The following TMEM65 variants were observed in gnomAD, a reference collection of about 807,000 sequenced individuals.
TMEM65 encodes the protein transmembrane protein 65.
A neutral mutation model predicts 25.4 loss-of-function variants in TMEM65; 22 were observed. That is an observed-to-expected ratio of 0.86 (90% CI 0.62 to 1.23). TMEM65 has a LOEUF of 1.23. Ranked by LOEUF, TMEM65 falls within the 50% of genes most tolerant of loss-of-function variation. The pLI is 0.00. For missense variants in TMEM65, 262 were observed against 308.2 expected, an observed-to-expected ratio of 0.85 and a Z score of 1.12; for synonymous variants, 132 against 126.2, an observed-to-expected ratio of 1.05 and a Z score of -0.31.
rs1379726462 is a variant in TMEM65 at position 124,372,076 on chromosome 8, G to T, written c.82C>A (p.Pro28Thr). 1.8e-6 allele frequency: 2 copies of T among 1,126,544 alleles called. No homozygotes were observed. The highest frequency in any genetic ancestry group is 4.5e-5 in the East Asian group (1 of 22,078). 69.8% of individuals were successfully genotyped at this position (1,126,544 alleles called of 1,614,324 possible). The change falls in exon 1 of 7, where the codon CCG (proline) becomes ACG (threonine). Residue 28 changes from proline to threonine, a missense_variant. Pro to Thr is a conservative substitution (Grantham distance 38). Coordinates refer to ENST00000297632, the MANE Select transcript of TMEM65 (RefSeq NM_194291.3). ...CGCCCGCAGCAGCACCAGGACGGCG[G>T]GCGGGGCGCGGCGGCGGCGGCCGGG... ...PGPAAAAAPR[P>T]PSWCCCGRGL...
rs1420133174 is a variant in TMEM65, at chr8:124,306,590, T to C, written c.*7370A>G. 2 of 145,686 alleles carry C rather than the reference T, an allele frequency of 1.4e-5. No individual in the cohort carries two copies. The highest frequency in any genetic ancestry group is 3.0e-5 in the Non-Finnish European group (2 of 66,418). The allele number at this position is 145,686 out of a possible 1,614,324, so 9.0% of individuals were successfully genotyped here. On this transcript the variant is annotated 3_prime_UTR_variant, in exon 7 of 7. Coordinates refer to ENST00000297632, the MANE Select transcript of TMEM65 (RefSeq NM_194291.3). ...GAAAAAGGTGTGTCATGAATTCATA[T>C]AATATATGTAGACACTAGTCTATTT...
intron 5 of TMEM65, among the ~76,000 whole-genome samples, chr8:124,321,575 T>A (rs1176532350): frequency 6.6e-6 from 1 of 152,072 alleles, no homozygotes; most frequent in East Asian, 1.9e-4. Flanking sequence ...GCCAAACCCA[T>A]ATATGCTTTG....
At chr8:124,322,235 T>C (rs987150275) in intron 4 of TMEM65, 88 bp from the exon 5 acceptor site, 1 of 939,542 alleles carries the variant, frequency 1.1e-6, no homozygotes, top group Admixed American at 2.6e-5. Context: ...CTTGGAAGAG[T>C]TCTCATATTT....
rs541222533 is a variant in TMEM65, at chr8:124,338,411, T to G, written c.305-7619A>C. ...AAGAGCAACAGCAAGAGAGAATATA[T>G]GTAAGGGTGGTTTTTTTTTATTTCT... is the stretch of plus-strand genomic sequence containing the variant. On this transcript the variant is annotated intron_variant, in intron 1 of 6. Transcript: ENST00000297632. Among the ~76,000 whole-genome samples, 13 of 150,442 alleles carry G rather than the reference T, an allele frequency of 8.6e-5. No individual in the cohort carries two copies. In the Middle Eastern group the frequency reaches 0.017, roughly 198 times the overall value.
At chr8:124,345,280 T>C (rs1814628457) in intron 1 of TMEM65, among the ~76,000 whole-genome samples, 1 of 152,240 alleles carries the variant, frequency 6.6e-6, no homozygotes, top group South Asian at 2.1e-4. Flanking sequence ...CTATAAATAC[T>C]GCCTGCCCAT....
At chr8:124,317,422 A>AT (rs1444313882) in intron 6 of TMEM65, among the ~76,000 whole-genome samples, 1 of 152,186 alleles carries the variant, frequency 6.6e-6, no homozygotes, top group Non-Finnish European at 1.5e-5. Flanking sequence ...GTTATCATTC[A>AT]TTACTTCTTA....
rs1175753971 is a variant in TMEM65 at position 124,372,472 on chromosome 8, G to A, written c.-315C>T. On this transcript the variant is annotated 5_prime_UTR_variant, in exon 1 of 7. Coordinates refer to ENST00000297632, the MANE Select transcript of TMEM65 (RefSeq NM_194291.3). ...GCGGGCGCCTCCCGGCTGAGGAGGA[G>A]CGGCGCGGGCGGGCGGGGCGGGCTA... The A allele has an allele frequency of 1.3e-5, 2 of 156,684 alleles. No individual in the cohort carries two copies. Among genetic ancestry groups the A allele is most frequent in the African/African-American group, 4.8e-5 (2 of 41,326 alleles). 9.7% of individuals were successfully genotyped at this position (156,684 alleles called of 1,614,324 possible).
At chr8:124,353,592 C>A (rs1272619526) in intron 1 of TMEM65, among the ~76,000 whole-genome samples, 6 of 151,784 alleles carry the variant, frequency 4.0e-5, no homozygotes, top group Non-Finnish European at 5.9e-5. Context: ...CTAATCTACA[C>A]TGAGAAAAAA....
chr8:124,340,197 T>C (rs1053464411), intron 1 of TMEM65, among the ~76,000 whole-genome samples: 2 of 152,174 alleles, frequency 1.3e-5, no homozygotes, highest in Admixed American at 1.3e-4. Flanking sequence ...CTTTAATAAA[T>C]TCATGAGTGT....
intron 1 of TMEM65, among the ~76,000 whole-genome samples, chr8:124,343,156 C>T (rs1382686599): frequency 1.3e-5 from 2 of 152,044 alleles, no homozygotes; most frequent in Non-Finnish European, 2.9e-5. Context: ...GTTCTACAAA[C>T]ACAATGGCAT....
rs1814132808 is a variant in TMEM65, at chr8:124,309,760, T to A, written c.*4200A>T. 1 of 152,206 alleles carries A rather than the reference T, an allele frequency of 6.6e-6. No individual in the cohort carries two copies. The highest frequency in any genetic ancestry group is 1.5e-5 in the Non-Finnish European group (1 of 68,058). The allele number at this position is 152,206 out of a possible 1,614,324, so 9.4% of individuals were successfully genotyped here. A position where few individuals can be genotyped will look rare whatever the true frequency, so the allele number is the denominator to read the frequency against. Reference sequence around the variant, plus strand: ...ATCTGACATAAACAATATTTAAGTGTATATTTGCAGGTGGGCGCAGGGGCT... The same window carrying A: ...ATCTGACATAAACAATATTTAAGTGAATATTTGCAGGTGGGCGCAGGGGCT... On this transcript the variant is annotated 3_prime_UTR_variant, in exon 7 of 7. Transcript: ENST00000297632.
At chr8:124,344,031 C>A (rs1814615067) in intron 1 of TMEM65, among the ~76,000 whole-genome samples, 1 of 152,194 alleles carries the variant, frequency 6.6e-6, no homozygotes, top group African/African-American at 2.4e-5. Context: ...GAGCCTTAGA[C>A]AAATATTGCT....
At chr8:124,341,824 GTTT>G (rs570798183) in intron 1 of TMEM65, among the ~76,000 whole-genome samples, 21 of 143,780 alleles carry the variant, frequency 1.5e-4, no homozygotes, top group African/African-American at 4.6e-4. Context: ...TCTTAATAAA[GTTT>G]TTTTTTTTGA....
chr8:124,315,319 T>G (rs2131192100), intron 6 of TMEM65, among the ~76,000 whole-genome samples: 1 of 150,458 alleles, frequency 6.6e-6, no homozygotes, highest in African/African-American at 2.5e-5. Flanking sequence ...CTACAGTTTT[T>G]TTTTTGTTTG....
In TMEM65 at chr8:124,322,149, TA is replaced by T; in HGVS notation, c.473-3del. The T allele has an allele frequency of 6.2e-7, 1 of 1,606,842 alleles. No homozygotes were observed. The highest frequency in any genetic ancestry group is 8.5e-7 in the Non-Finnish European group (1 of 1,175,720). On this transcript the variant is annotated splice_region_variant and splice_polypyrimidine_tract_variant and intron_variant, in intron 4 of 6. Transcript: ENST00000297632. ...ACACAAGATTTCCCAAAGCAGCAGC[TA>T]AAAATTTGAAAAATAAATAATTGTT...
At chr8:124,321,195 C>G (rs551418975) in intron 5 of TMEM65, among the ~76,000 whole-genome samples, 1 of 152,062 alleles carries the variant, frequency 6.6e-6, no homozygotes, top group South Asian at 2.1e-4. Flanking sequence ...GTGGCTTTGG[C>G]CCCAAACTCC....
At chr8:124,367,079 C>T (rs1037757092) in intron 1 of TMEM65, among the ~76,000 whole-genome samples, 1 of 152,188 alleles carries the variant, frequency 6.6e-6, no homozygotes, top group Non-Finnish European at 1.5e-5. Context: ...TATCTTTATT[C>T]ACGTATCTTT....
At chr8:124,323,476 T>C in intron 3 of TMEM65, 101 bp from the exon 4 acceptor site, 2 of 557,934 alleles carry the variant, frequency 3.6e-6, no homozygotes, top group Non-Finnish European at 6.1e-6. Context: ...AATCAACATG[T>C]TAGTGCTGCA....
chr8:124,352,376 A>AT (rs536256662), intron 1 of TMEM65, among the ~76,000 whole-genome samples: 1 of 151,760 alleles, frequency 6.6e-6, no homozygotes, highest in African/African-American at 2.4e-5. Context: ...TTTAATATAC[A>AT]TTTTTTTCTG....
Sources: gnomAD v4.1 joint callset for allele counts (sites outside exome capture counted in the v4.1 genomes callset) on GRCh38, gnomAD v4.1.1 for gene constraint, MANE v1.5 for transcripts, NCBI Gene and HGNC (gene_info 2026-07-23, HGNC 2026-07-21) for gene names.